PTPN12: variants seen among roughly 807,000 people sequenced by gnomAD.
PTPN12 encodes the protein tyrosine-protein phosphatase non-receptor type 12.
In PTPN12, 29 loss-of-function variants were observed where a neutral mutation model predicts 97.6. The ratio of observed to expected loss-of-function variants is 0.30; its 90% CI spans 0.22 to 0.41. The LOEUF (loss-of-function observed/expected upper bound fraction) is 0.41, where lower values mean the gene tolerates loss of function less well. Among genes scored for constraint, PTPN12 ranks in the 10% least tolerant of loss-of-function variants. The probability of loss-of-function intolerance (pLI) is 1.00; values close to 1 mark genes in which losing one functional copy is unlikely to be tolerated. For synonymous variants in PTPN12, 327 were observed against 300.4 expected, an observed-to-expected ratio of 1.09 and a Z score of -0.91; for missense variants, 819 against 926.0, an observed-to-expected ratio of 0.88 and a Z score of 1.50.
chr7:77,614,034 G>A (rs984852890), intron 11 of PTPN12, among the ~76,000 whole-genome samples: 1 of 151,790 alleles, frequency 6.6e-6, no homozygotes, highest in Non-Finnish European at 1.5e-5. Context: ...TGAGACTATA[G>A]GCACATATAC....
Position 77,639,739 on chromosome 7 carries a change from A to C in PTPN12, c.*459A>C, listed in dbSNP as rs988169285. 2 of 153,250 alleles carry C rather than the reference A, an allele frequency of 1.3e-5. No individual in the cohort carries two copies. The highest frequency in any genetic ancestry group is 4.8e-5 in the African/African-American group (2 of 41,494). The allele number at this position is 153,250 out of a possible 1,614,324, so 9.5% of individuals were successfully genotyped here. The stretch of plus-strand genomic sequence containing the variant: ...TTTATTTGTAAATTATTTGCCCTGG[A>C]GTTTTAGAAAATAGTTTCTGAATTT... On this transcript the variant is annotated 3_prime_UTR_variant, in exon 18 of 18. Transcript: ENST00000248594.
chr7:77,541,433 G>GT (rs1287235516), intron 1 of PTPN12, among the ~76,000 whole-genome samples: 5 of 152,068 alleles, frequency 3.3e-5, no homozygotes, highest in African/African-American at 1.2e-4. Flanking sequence ...GTTTCTTTAT[G>GT]TTTGAGTATT....
chr7:77,638,500 T>A, intron 16 of PTPN12, 124 bp from the exon 17 acceptor site: 1 of 1,288,874 alleles, frequency 7.8e-7, no homozygotes, highest in Non-Finnish European at 9.9e-7. Flanking sequence ...ACCTGTAAAA[T>A]TATGGTGCCC....
Position 77,586,439 on chromosome 7 carries a change from ACCAGGAACGGTAGTTCACATTTGAATC to A in PTPN12, c.420+863_420+889del, listed in dbSNP as rs552059442. On this transcript the variant is annotated intron_variant, in intron 5 of 17. Coordinates refer to ENST00000248594, the MANE Select transcript of PTPN12 (RefSeq NM_002835.4). ...AATTTTTGATAAAATACAAGACAGGACCAGGAACGGTAGTTCACATTTGAATCCCAGCACTTTGGGAGGTGGAGGTGG... is the reference window on the plus strand; with the variant it reads ...AATTTTTGATAAAATACAAGACAGGACCAGCACTTTGGGAGGTGGAGGTGG... Among the ~76,000 whole-genome samples the A allele has an allele frequency of 2.9e-3, 444 of 152,168 alleles. 15 individuals carry two copies. The highest frequency in any genetic ancestry group is 0.029 in the Admixed American group (441 of 15,272).
chr7:77,621,779 T>C (rs1788948191), intron 12 of PTPN12, among the ~76,000 whole-genome samples: 1 of 152,240 alleles, frequency 6.6e-6, no homozygotes, highest in Non-Finnish European at 1.5e-5. Flanking sequence ...GACAGCATAG[T>C]AGCTTTGTTT....
intron 1 of PTPN12, among the ~76,000 whole-genome samples, chr7:77,555,265 T>G (rs1807657790): frequency 1.3e-5 from 2 of 152,054 alleles, no homozygotes; most frequent in African/African-American, 4.8e-5. Flanking sequence ...ACATAAGTTA[T>G]TTCTGGCATT....
intron 12 of PTPN12, among the ~76,000 whole-genome samples, chr7:77,623,913 C>T (rs1212797886): frequency 6.6e-6 from 1 of 151,988 alleles, no homozygotes; most frequent in Admixed American, 6.6e-5. Context: ...GAGGTGTCTG[C>T]AATTATTTTT....
intron 1 of PTPN12, chr7:77,563,888 C>G (rs1488516439): frequency 2.4e-6 from 1 of 419,506 alleles, no homozygotes; most frequent in Middle Eastern, 3.5e-4. Flanking sequence ...ATTTTAGCTG[C>G]TTATAACCAT....
At chr7:77,541,601 G>A (rs1806977052) in intron 1 of PTPN12, among the ~76,000 whole-genome samples, 1 of 152,038 alleles carries the variant, frequency 6.6e-6, no homozygotes, top group Non-Finnish European at 1.5e-5. Context: ...AAAAAGTTTT[G>A]TCAGTTTATA....
At chr7:77,633,710 TAACTG>T (rs1789484807) in intron 14 of PTPN12, among the ~76,000 whole-genome samples, 1 of 152,154 alleles carries the variant, frequency 6.6e-6, no homozygotes, top group Non-Finnish European at 1.5e-5. Flanking sequence ...GGATTGGTGT[TAACTG>T]AAAGACATTT....
intron 2 of PTPN12, among the ~76,000 whole-genome samples, chr7:77,576,294 T>C (rs1000202703): frequency 6.6e-6 from 1 of 152,234 alleles, no homozygotes; most frequent in Non-Finnish European, 1.5e-5. Flanking sequence ...TACAACTCTC[T>C]GTGTGGACCT....
In PTPN12 at chr7:77,600,801, T is replaced by C. The variant is rs1281563606; in HGVS notation, c.690T>C (p.His230=). 1.9e-6 allele frequency: 3 copies of C among 1,589,240 alleles called. No individual in the cohort carries two copies. Among genetic ancestry groups the C allele is most frequent in the Non-Finnish European group, 2.6e-6 (3 of 1,171,594 alleles). The part of the protein sequence containing the change: ...QEHEDVPICI[H]CSAGCGRTGA... ...ATGAAGATGTTCCTATTTGTATTCATTGCAGGTACAAAAGAATTTCCCAAG... is the reference window on the plus strand; with the variant it reads ...ATGAAGATGTTCCTATTTGTATTCACTGCAGGTACAAAAGAATTTCCCAAG... Residue 230 remains histidine (H), a synonymous_variant, in exon 8 of 18, where the codon CAT becomes CAC. Transcript: ENST00000248594.
rs142299864 is a variant in PTPN12 at position 77,551,727 on chromosome 7, T to C, written c.99+14082T>C. Among the ~76,000 whole-genome samples, 11 of 152,350 alleles carry C rather than the reference T, an allele frequency of 7.2e-5. No homozygotes were observed. The East Asian group carries it at 1.9e-3, about 27-fold the overall frequency. On this transcript the variant is annotated intron_variant, in intron 1 of 17. Coordinates refer to ENST00000248594, the MANE Select transcript of PTPN12 (RefSeq NM_002835.4). ...GCTTTGCCATAAATTTGATGTTTTGTTCTTGCTTCAGTTTTTTAGCAGAAT... is the reference window on the plus strand; with the variant it reads ...GCTTTGCCATAAATTTGATGTTTTGCTCTTGCTTCAGTTTTTTAGCAGAAT...
chr7:77,594,431 T>C (rs568133794), intron 6 of PTPN12, among the ~76,000 whole-genome samples: 1 of 152,336 alleles, frequency 6.6e-6, no homozygotes, highest in East Asian at 1.9e-4. Flanking sequence ...ATCTGTAATA[T>C]TAGATTCCTC....
chr7:77,629,288 A>T (rs1398381062), intron 13 of PTPN12, among the ~76,000 whole-genome samples: 2 of 152,242 alleles, frequency 1.3e-5, no homozygotes, highest in Admixed American at 1.3e-4. Flanking sequence ...TTACAGAATT[A>T]TCTTTTCTTG....
chr7:77,635,013 A>G (rs1004604805), intron 14 of PTPN12, among the ~76,000 whole-genome samples: 3 of 149,930 alleles, frequency 2.0e-5, no homozygotes, highest in Non-Finnish European at 4.4e-5. Flanking sequence ...GTCACTCCCA[A>G]CTAATTTTTT....
Position 77,585,540 on chromosome 7 carries a change from T to C in PTPN12, c.382-3T>C. The C allele has an allele frequency of 6.2e-7, 1 of 1,606,260 alleles. No individual in the cohort carries two copies. Among genetic ancestry groups the C allele is most frequent in the Non-Finnish European group, 8.5e-7 (1 of 1,173,354 alleles). ...TATCTCACTCCCCACCATCACTTTT[T>C]AGATCATTGTAATGGCCTGCCGAGA... On this transcript the variant is annotated splice_region_variant and splice_polypyrimidine_tract_variant and intron_variant, in intron 4 of 17. Transcript: ENST00000248594.
At chr7:77,626,278 C>G (rs534061631) in intron 12 of PTPN12, among the ~76,000 whole-genome samples, 1 of 151,964 alleles carries the variant, frequency 6.6e-6, no homozygotes, top group Non-Finnish European at 1.5e-5. Flanking sequence ...TGCAGTCATA[C>G]GACTGAGGTA....
chr7:77,575,656 A>AT (rs535713728), intron 2 of PTPN12, among the ~76,000 whole-genome samples: 100 of 152,280 alleles, frequency 6.6e-4, no homozygotes, highest in African/African-American at 2.1e-3. Flanking sequence ...CAATTCAATG[A>AT]TTTTTTTAAA....
Sources: allele counts gnomAD v4.1 joint callset (sites outside exome capture counted in the v4.1 genomes callset), GRCh38; gene constraint gnomAD v4.1.1; transcripts MANE v1.5; gene names NCBI Gene and HGNC (gene_info 2026-07-23, HGNC 2026-07-21).